PAK1IP1: variants seen among roughly 807,000 people sequenced by gnomAD.
PAK1IP1 encodes the protein PAK1 interacting protein 1.
PAK1IP1 carries 24 observed loss-of-function variants against 42.0 expected under a neutral mutation model. The observed-to-expected ratio is 0.57, with a 90% CI of 0.41 to 0.80. The LOEUF is 0.80. PAK1IP1 is among the 30% of genes least tolerant of loss of function. The pLI is 0.00. For synonymous variants in PAK1IP1, 154 were observed against 156.7 expected (o/e 0.98, Z 0.13); for missense variants, 411 against 467.9 (o/e 0.88, Z 1.12).
intron 5 of PAK1IP1, 78 bp downstream of exon 5, chr6:10,703,535 T>G: frequency 1.0e-6 from 1 of 987,774 alleles, no homozygotes; most frequent in Non-Finnish European, 1.6e-6. Context: ...TGAAACTTTT[T>G]GAGCACTGAT....
upstream of PAK1IP1, among the ~76,000 whole-genome samples, chr6:10,693,269 A>T (rs112039310): frequency 5.8e-3 from 878 of 152,328 alleles, 8 homozygotes; most frequent in African/African-American, 0.02. Flanking sequence ...TTTGTTCAGG[A>T]GTGCTCTCAC....
chr6:10,706,311 T>C (rs907966703), intron 7 of PAK1IP1, among the ~76,000 whole-genome samples: 3 of 152,020 alleles, frequency 2.0e-5, no homozygotes, highest in Admixed American at 1.3e-4. Context: ...ATAGAAGACC[T>C]GTGTGACTAG....
chr6:10,692,085 G>A (rs1293453978), upstream of PAK1IP1, among the ~76,000 whole-genome samples: 6 of 152,208 alleles, frequency 3.9e-5, 1 homozygote, highest in South Asian at 1.2e-3. Flanking sequence ...GATGTCCCTG[G>A]GGTAAGGAGA....
chr6:10,705,463 G>C (rs1296734465), intron 7 of PAK1IP1, among the ~76,000 whole-genome samples: 3 of 152,172 alleles, frequency 2.0e-5, no homozygotes, highest in East Asian at 3.8e-4. Flanking sequence ...CTTGAGCTTT[G>C]TTCCCATCTA....
upstream of PAK1IP1, chr6:10,694,627 C>A: frequency 1.0e-5 from 2 of 192,244 alleles, no homozygotes; most frequent in Admixed American, 1.2e-4. Context: ...GGCCCCACCT[C>A]CTCCTGATGT....
chr6:10,695,744 C>T (rs766288997), intron 1 of PAK1IP1, among the ~76,000 whole-genome samples: 2 of 152,196 alleles, frequency 1.3e-5, no homozygotes, highest in Non-Finnish European at 2.9e-5. Context: ...TAACATCTAG[C>T]TCACTTTTAT....
chr6:10,691,398 C>CA (rs35408477), upstream of PAK1IP1, among the ~76,000 whole-genome samples: 876 of 151,990 alleles, frequency 5.8e-3, 8 homozygotes, highest in African/African-American at 0.02. Flanking sequence ...ACTGAGCAAG[C>CA]GGGGGTACAT....
At chr6:10,696,207 T>C (rs1033445353) in intron 1 of PAK1IP1, among the ~76,000 whole-genome samples, 1 of 152,206 alleles carries the variant, frequency 6.6e-6, no homozygotes, top group African/African-American at 2.4e-5. Flanking sequence ...CCTATACTTC[T>C]ACTAAATCTA....
upstream of PAK1IP1, among the ~76,000 whole-genome samples, chr6:10,692,414 C>A (rs778723294): frequency 6.6e-6 from 1 of 152,128 alleles, no homozygotes; most frequent in Non-Finnish European, 1.5e-5. Flanking sequence ...TTTTTTGTAA[C>A]ACAATGAAGA....
At chr6:10,705,118 A>C (rs550813891) in intron 7 of PAK1IP1, among the ~76,000 whole-genome samples, 16 of 152,146 alleles carry the variant, frequency 1.1e-4, no homozygotes, top group Non-Finnish European at 1.8e-4. Context: ...AGGTCAAGAG[A>C]TCAAGACCAT....
At position 10,704,796 on chromosome 6, in the gene PAK1IP1, A is replaced by G; in HGVS notation, c.692A>G (p.Asp231Gly). The G allele has an allele frequency of 5.0e-6, 8 of 1,613,806 alleles. No homozygotes were observed. The highest frequency in any genetic ancestry group is 6.8e-6 in the Non-Finnish European group (8 of 1,179,680). ...GATGAAGAAGTTATAAGGTTTTTTG[A>G]CTGTGATTCACTAGTGTGCCTCTGC... ...AGDEEVIRFF[D>G]CDSLVCLCEF... is the part of the protein sequence containing the mutation. The change falls in exon 7 of 10, where the codon GAC (aspartate) becomes GGC (glycine). Residue 231 changes from aspartate (D) to glycine (G), a missense_variant. Coordinates refer to ENST00000379568, the MANE Select transcript of PAK1IP1 (RefSeq NM_017906.3).
At chr6:10,695,963 A>ATGT (rs71548862) in intron 1 of PAK1IP1, among the ~76,000 whole-genome samples, 8 of 146,612 alleles carry the variant, frequency 5.5e-5, no homozygotes, top group African/African-American at 2.0e-4. Flanking sequence ...ATGCTATTTA[A>ATGT]TTTTTTTTTT....
intron 4 of PAK1IP1, among the ~76,000 whole-genome samples, chr6:10,703,125 A>G (rs934104172): frequency 5.9e-5 from 9 of 152,204 alleles, no homozygotes; most frequent in African/African-American, 2.2e-4. Context: ...GTTTTCAAAC[A>G]TGCAATTATG....
chr6:10,704,960 T>G (rs1308620564), intron 7 of PAK1IP1, 116 bp downstream of exon 7: 1 of 712,720 alleles, frequency 1.4e-6, no homozygotes, highest in East Asian at 2.6e-5. Context: ...ATCAGACATA[T>G]CTACATGTAC....
chr6:10,704,938 A>G lies in PAK1IP1; in HGVS notation c.740+94A>G, dbSNP rs186138091. 15 of 785,726 alleles carry G rather than the reference A, an allele frequency of 1.9e-5. No individual in the cohort carries two copies. In the Admixed American group the frequency reaches 2.4e-4, roughly 12 times the overall value. 48.7% of individuals were successfully genotyped at this position (785,726 alleles called of 1,614,324 possible). A position where few individuals can be genotyped will look rare whatever the true frequency, so the allele number is the denominator to read the frequency against. On this transcript the variant is annotated intron_variant, in intron 7 of 9. Coordinates refer to ENST00000379568, the MANE Select transcript of PAK1IP1 (RefSeq NM_017906.3). ...GCCAGGTTATATGTTTTTATTAACA[A>G]CTGCAGAAATAATCAGACATATCTA...
rs954230160 is a variant in PAK1IP1, at chr6:10,702,461, G to A, written c.340G>A (p.Glu114Lys). The A allele has an allele frequency of 3.1e-6, 5 of 1,613,906 alleles. No homozygotes were observed. In the African/African-American group the frequency reaches 6.7e-5, roughly 22 times the overall value. ...LICIWDAKKW[E>K]CLKSIKAHKG... The stretch of plus-strand genomic sequence containing the variant: ...CTGTATCTGGGATGCAAAGAAATGG[G>A]AATGCCTGAAGTCAATTAAAGCTCA... Residue 114 changes from glutamate to lysine, a missense_variant, in exon 3 of 10, where the codon GAA becomes AAA. Physicochemically the swap from Glu to Lys is moderately conservative, Grantham distance 56. Transcript: ENST00000379568.
intron 1 of PAK1IP1, among the ~76,000 whole-genome samples, chr6:10,695,905 CTCTTTG>C (rs1246588469): frequency 1.3e-5 from 2 of 151,936 alleles, no homozygotes; most frequent in Non-Finnish European, 2.9e-5. Context: ...CAGTTATTTG[CTCTTTG>C]TCTTTGGCTG....
intron 7 of PAK1IP1, among the ~76,000 whole-genome samples, chr6:10,705,824 C>G (rs1374384179): frequency 6.6e-6 from 1 of 152,160 alleles, no homozygotes; most frequent in Admixed American, 6.5e-5. Context: ...ATTCTTATTT[C>G]TTAAACAGTG....
intron 7 of PAK1IP1, 120 bp from the exon 8 acceptor site, chr6:10,707,295 T>C (rs1266895395): frequency 3.0e-6 from 2 of 677,342 alleles, no homozygotes; most frequent in Non-Finnish European, 5.3e-6. Context: ...GCACCATTCA[T>C]TGAGCAGTTT....
Sources: gnomAD v4.1 joint callset for allele counts (sites outside exome capture counted in the v4.1 genomes callset) on GRCh38, gnomAD v4.1.1 for gene constraint, MANE v1.5 for transcripts, NCBI Gene and HGNC (gene_info 2026-07-23, HGNC 2026-07-21) for gene names.